The following TWSG1 variants were observed in gnomAD, a reference collection of about 807,000 sequenced individuals.
TWSG1 encodes the protein twisted gastrulation protein homolog 1.
A neutral mutation model predicts 23.0 loss-of-function variants in TWSG1; 15 were observed. That is an observed-to-expected ratio of 0.65 (90% CI 0.44 to 1.00). The LOEUF (loss-of-function observed/expected upper bound fraction) is 1.00. TWSG1 is among the 50% of genes least tolerant of loss of function. The pLI is 0.00. For synonymous variants in TWSG1, 86 were observed against 92.8 expected (o/e 0.93, Z 0.42); for missense variants, 242 against 278.7 (o/e 0.87, Z 0.94).
Position 9,399,345 on chromosome 18 carries a change from G to A in TWSG1, c.491-1G>A. On this transcript the variant is annotated splice_acceptor_variant, in intron 4 of 4. Transcript: ENST00000262120. LOFTEE classifies it high-confidence loss of function. ...TGAAATCTTAAATTTTTGTTTTTCA[G>A]AACACATGTGTACTGTGGTTTATTT... The A allele has an allele frequency of 1.3e-6, 2 of 1,553,660 alleles. No homozygotes were observed. The highest frequency in any genetic ancestry group is 1.2e-5 in the South Asian group (1 of 82,526).
intron 3 of TWSG1, among the ~76,000 whole-genome samples, chr18:9,376,506 CTTTGGGT>C (rs2040631064): frequency 6.6e-6 from 1 of 152,104 alleles, no homozygotes; most frequent in Non-Finnish European, 1.5e-5. Flanking sequence ...CCCTTTGTAT[CTTTGGGT>C]TTTGTATTAT....
At chr18:9,364,040 A>T (rs1246009979) in intron 3 of TWSG1, among the ~76,000 whole-genome samples, 1 of 152,194 alleles carries the variant, frequency 6.6e-6, no homozygotes, top group Non-Finnish European at 1.5e-5. Context: ...TCCAACAAAG[A>T]TTACTCACTG....
In TWSG1 at chr18:9,401,847, T is replaced by A. The variant is rs1427600470; in HGVS notation, c.*2320T>A. The A allele has an allele frequency of 2.6e-5, 4 of 152,266 alleles. No individual in the cohort carries two copies. The East Asian group carries it at 7.7e-4, about 29-fold the overall frequency. 9.4% of individuals were successfully genotyped at this position (152,266 alleles called of 1,614,324 possible). ...TTGGTAAAAATTCTTTTTTCTTTTT[T>A]AATAAAAAATTAGGTTATTACTTTT... On this transcript the variant is annotated 3_prime_UTR_variant, in exon 5 of 5. Transcript: ENST00000262120.
intron 3 of TWSG1, among the ~76,000 whole-genome samples, chr18:9,386,616 C>A (rs577247591): frequency 6.6e-6 from 1 of 150,512 alleles, no homozygotes; most frequent in African/African-American, 2.4e-5. Flanking sequence ...AAGAAATTAT[C>A]GAATAGTAGA....
rs180869575 is a variant in TWSG1, at chr18:9,345,374, G to A, written c.123+8022G>A. 2.6e-3 allele frequency among the ~76,000 whole-genome samples: 392 copies of A among 152,250 alleles called. 3 individuals are homozygous for A. The Middle Eastern group carries it at 0.058, about 22-fold the overall frequency. On this transcript the variant is annotated intron_variant, in intron 2 of 4. Transcript: ENST00000262120. ...CTAAGAATTTTAGAGTTTTAGGCCA[G>A]GTGTGGTGGCATGTACCTGTAATCC...
intron 3 of TWSG1, among the ~76,000 whole-genome samples, chr18:9,376,631 C>T (rs928390450): frequency 1.2e-4 from 18 of 151,852 alleles, no homozygotes; most frequent in African/African-American, 4.1e-4. Context: ...TGCTTGAGCC[C>T]AGGAGTTTGT....
intron 3 of TWSG1, among the ~76,000 whole-genome samples, chr18:9,370,250 G>A (rs1280201244): frequency 1.3e-5 from 2 of 151,984 alleles, no homozygotes; most frequent in African/African-American, 2.4e-5. Context: ...CCCAGGAGGT[G>A]GAGGTTGCAG....
intron 3 of TWSG1, among the ~76,000 whole-genome samples, chr18:9,365,233 G>A (rs1206117817): frequency 6.6e-6 from 1 of 152,050 alleles, no homozygotes; most frequent in Non-Finnish European, 1.5e-5. Flanking sequence ...TAAGGCAGGA[G>A]GATTACTAAA....
chr18:9,336,749 G>A (rs1352650547), intron 1 of TWSG1, among the ~76,000 whole-genome samples: 2 of 152,310 alleles, frequency 1.3e-5, no homozygotes, highest in South Asian at 2.1e-4. Flanking sequence ...TGAGGGTTTA[G>A]ATATACTCAC....
intron 2 of TWSG1, among the ~76,000 whole-genome samples, chr18:9,356,777 G>A (rs755973975): frequency 4.6e-5 from 7 of 152,052 alleles, no homozygotes; most frequent in African/African-American, 1.4e-4. Context: ...TGCTCAACTG[G>A]TATAATGCAA....
chr18:9,340,796 C>T (rs2040443573), intron 2 of TWSG1, among the ~76,000 whole-genome samples: 1 of 152,216 alleles, frequency 6.6e-6, no homozygotes, highest in South Asian at 2.1e-4. Context: ...ACAGTAGAAT[C>T]TAGCCATACG....
At chr18:9,373,919 A>C (rs2040617296) in intron 3 of TWSG1, among the ~76,000 whole-genome samples, 1 of 152,218 alleles carries the variant, frequency 6.6e-6, no homozygotes, top group Non-Finnish European at 1.5e-5. Context: ...GGAAAATCCC[A>C]AAATATGTGA....
intron 1 of TWSG1, among the ~76,000 whole-genome samples, chr18:9,335,614 C>T (rs2040419512): frequency 6.6e-6 from 1 of 152,148 alleles, no homozygotes; most frequent in Admixed American, 6.5e-5. Context: ...TATTTGGCCT[C>T]CGCAAATATG....
At chr18:9,354,654 G>A (rs2040516632) in intron 2 of TWSG1, among the ~76,000 whole-genome samples, 1 of 152,146 alleles carries the variant, frequency 6.6e-6, no homozygotes, top group South Asian at 2.1e-4. Context: ...TCTGAATTTT[G>A]GCACATTGAT....
At chr18:9,340,620 G>C (rs2040442526) in intron 2 of TWSG1, among the ~76,000 whole-genome samples, 1 of 152,056 alleles carries the variant, frequency 6.6e-6, no homozygotes, top group African/African-American at 2.4e-5. Context: ...CATTTATTTT[G>C]CTCACGAATT....
At chr18:9,368,940 T>C (rs2040592124) in intron 3 of TWSG1, among the ~76,000 whole-genome samples, 1 of 146,470 alleles carries the variant, frequency 6.8e-6, no homozygotes, top group African/African-American at 2.6e-5. Flanking sequence ...AGAGCGAGAC[T>C]CTGTCTCAAA....
intron 3 of TWSG1, among the ~76,000 whole-genome samples, chr18:9,388,612 A>G (rs2040696669): frequency 6.6e-6 from 1 of 152,268 alleles, no homozygotes; most frequent in African/African-American, 2.4e-5. Context: ...TTAGTGCAGT[A>G]TATTGAGATT....
chr18:9,392,921 G>A (rs1228468181), intron 3 of TWSG1, among the ~76,000 whole-genome samples: 2 of 152,172 alleles, frequency 1.3e-5, no homozygotes, highest in Non-Finnish European at 2.9e-5. Context: ...CCAGTTGGTG[G>A]AGCAGTCAGA....
intron 3 of TWSG1, among the ~76,000 whole-genome samples, chr18:9,380,872 C>CA (rs1358707341): frequency 6.6e-6 from 1 of 152,196 alleles, no homozygotes; most frequent in African/African-American, 2.4e-5. Context: ...CTGCCCTAGA[C>CA]AATGCCATGC....
Sources: allele counts gnomAD v4.1 joint callset (sites outside exome capture counted in the v4.1 genomes callset), GRCh38; gene constraint gnomAD v4.1.1; transcripts MANE v1.5; gene names NCBI Gene and HGNC (gene_info 2026-07-23, HGNC 2026-07-21).